ECE1: variants seen among roughly 807,000 people sequenced by gnomAD.
The protein encoded by ECE1 is endothelin converting enzyme 1.
In ECE1, 35 loss-of-function variants were observed where a neutral mutation model predicts 98.6. The ratio of observed to expected loss-of-function variants is 0.35; its 90% CI spans 0.27 to 0.47. The LOEUF is 0.47. ECE1 is among the 20% of genes least tolerant of loss of function. The pLI is 1.00. For missense variants in ECE1, 814 were observed against 1,025.3 expected (o/e 0.79, Z 2.81); for synonymous variants, 394 against 407.1 (o/e 0.97, Z 0.39).
intron 1 of ECE1, among the ~76,000 whole-genome samples, chr1:21,309,774 T>C (rs1457412349): frequency 8.8e-5 from 13 of 148,354 alleles, no homozygotes; most frequent in Non-Finnish European, 1.3e-4. Flanking sequence ...TTTTCTTTTT[T>C]TTTCTTTCTT....
chr1:21,232,831 C>T (rs1369170427), intron 14 of ECE1, among the ~76,000 whole-genome samples: 4 of 152,060 alleles, frequency 2.6e-5, no homozygotes, highest in African/African-American at 9.7e-5. Context: ...GTGTGCGCCA[C>T]CACACCCGGT....
intron 2 of ECE1, among the ~76,000 whole-genome samples, chr1:21,286,313 T>C (rs1558414481): frequency 6.6e-6 from 1 of 152,240 alleles, no homozygotes; most frequent in Non-Finnish European, 1.5e-5. Flanking sequence ...TAGATGTATA[T>C]TATTATATCA....
intron 1 of ECE1, among the ~76,000 whole-genome samples, chr1:21,312,178 C>T (rs762182368): frequency 3.0e-4 from 45 of 149,786 alleles, no homozygotes; most frequent in Non-Finnish European, 6.5e-4. Context: ...TGGCACATAC[C>T]TATCGTCCTA....
intron 10 of ECE1, among the ~76,000 whole-genome samples, chr1:21,238,832 T>C (rs1335810794): frequency 2.0e-5 from 3 of 152,112 alleles, no homozygotes; most frequent in Non-Finnish European, 2.9e-5. Context: ...TCTTTTTTTT[T>C]GGCAGGGTCT....
intron 2 of ECE1, chr1:21,279,724 C>A: frequency 7.7e-7 from 1 of 1,306,416 alleles, no homozygotes; most frequent in Non-Finnish European, 9.7e-7. Flanking sequence ...CCCACATCAG[C>A]GGGGTCAGGG....
chr1:21,328,388 G>A (rs1171212874), intron 1 of ECE1, among the ~76,000 whole-genome samples: 1 of 152,152 alleles, frequency 6.6e-6, no homozygotes, highest in African/African-American at 2.4e-5. Flanking sequence ...GCACATAGTG[G>A]GTCCTCAGTA....
chr1:21,327,525 T>C lies in ECE1; in HGVS notation c.3+17851A>G, dbSNP rs1295958194. Reference sequence around the variant, plus strand: ...GTCAAGTTGGATCATCTTAGCTCCCTGCTGACACCCCTTCGAGAACCGGGA... The same window carrying C: ...GTCAAGTTGGATCATCTTAGCTCCCCGCTGACACCCCTTCGAGAACCGGGA... On this transcript the variant is annotated intron_variant, in intron 1 of 18. Coordinates refer to the ECE1 transcript ENST00000415912. The surrounding 1 kb of genome is among the most constrained non-coding windows in gnomAD (Gnocchi z 4.6). 1.3e-5 allele frequency among the ~76,000 whole-genome samples: 2 copies of C among 152,202 alleles called. No homozygotes were observed. The highest frequency in any genetic ancestry group is 1.3e-4 in the Admixed American group (2 of 15,280).
chr1:21,281,942 G>C (rs1239542482), intron 2 of ECE1, among the ~76,000 whole-genome samples: 1 of 152,072 alleles, frequency 6.6e-6, no homozygotes, highest in Non-Finnish European at 1.5e-5. Context: ...TGATCCACCC[G>C]CCTCAGCCTC....
intron 2 of ECE1, among the ~76,000 whole-genome samples, chr1:21,281,168 C>A (rs556434422): frequency 2.1e-4 from 32 of 151,164 alleles, no homozygotes; most frequent in African/African-American, 6.4e-4. Context: ...CCAGCCTGGG[C>A]GACAGAGCAA....
At chr1:21,316,441 G>A (rs2103396269) in intron 1 of ECE1, among the ~76,000 whole-genome samples, 1 of 149,662 alleles carries the variant, frequency 6.7e-6, no homozygotes, top group African/African-American at 2.4e-5. Context: ...GCTAATTTTT[G>A]TATTTTTTTT....
In ECE1 at chr1:21,258,722, A is replaced by C. The variant is rs773284016; in HGVS notation, c.733T>G (p.Ser245Ala). ...ATCACGTTGCTGTTGGAGTTCTTGG[A>C]ATCGGCACTGACATAGACAGAGAAG... ...PFFSVYVSAD[S>A]KNSNSNVIQV... The change falls in exon 6 of 19, where the codon TCC (serine) becomes GCC (alanine). Residue 245 changes from serine (S) to alanine (A), a missense_variant. Physicochemically the swap from Ser to Ala is moderately conservative, Grantham distance 99. Around this residue, in one of 3 missense-constraint regions of ECE1, gnomAD observed 105 missense variants for 179.1 expected, o/e 0.59. Transcript: ENST00000374893. This position sits in a 1 kb window ranked among gnomAD's most constrained non-coding sequence, Gnocchi z 4.2. 11 of 1,614,022 alleles carry C rather than the reference A, an allele frequency of 6.8e-6. No homozygotes were observed. In the East Asian group the frequency reaches 2.2e-4, roughly 33 times the overall value.
chr1:21,334,259 C>T (rs1448065605), intron 1 of ECE1, among the ~76,000 whole-genome samples: 1 of 152,210 alleles, frequency 6.6e-6, no homozygotes, highest in African/African-American at 2.4e-5. Flanking sequence ...CCTCCAAGTC[C>T]CACCTCCTGT....
At chr1:21,306,876 A>AC (rs1180740709) in intron 1 of ECE1, among the ~76,000 whole-genome samples, 5 of 151,126 alleles carry the variant, frequency 3.3e-5, no homozygotes, top group East Asian at 2.0e-4. Context: ...TGTCTGACCA[A>AC]CCCCCCCAAT....
chr1:21,325,987 C>A (rs550127079), intron 1 of ECE1, among the ~76,000 whole-genome samples: 1 of 152,150 alleles, frequency 6.6e-6, no homozygotes, highest in South Asian at 2.1e-4. Flanking sequence ...GTGATTTCCA[C>A]AACGGAGCTC....
chr1:21,243,682 G>C (rs2098199524), intron 10 of ECE1, among the ~76,000 whole-genome samples: 1 of 152,248 alleles, frequency 6.6e-6, no homozygotes, highest in African/African-American at 2.4e-5. Context: ...CTCTCTGTAG[G>C]AAGTCCCCTG....
At chr1:21,263,361 A>ATT (rs34915173) in intron 4 of ECE1, among the ~76,000 whole-genome samples, 2,115 of 128,252 alleles carry the variant, frequency 0.016, 61 homozygotes, top group African/African-American at 0.051. Context: ...TTTTATATTT[A>ATT]TTTTTTTTTT....
At chr1:21,325,098 A>G (rs1639050383) in intron 1 of ECE1, among the ~76,000 whole-genome samples, 2 of 152,240 alleles carry the variant, frequency 1.3e-5, no homozygotes, top group Non-Finnish European at 2.9e-5. Context: ...GACTGGTTGC[A>G]AAACTGCAAA....
rs28367980 is a variant in ECE1 at position 21,259,087 on chromosome 1, G to A, written c.616-248C>T. ...AGGCATGAATCCAGCCGCTCCCTGGGTGGCTGGGATGAGAATGGGAAAGAG... is the reference window on the plus strand; with the variant it reads ...AGGCATGAATCCAGCCGCTCCCTGGATGGCTGGGATGAGAATGGGAAAGAG... On this transcript the variant is annotated intron_variant, in intron 5 of 18. Coordinates refer to ENST00000374893, the MANE Select transcript of ECE1 (RefSeq NM_001397.3). Among the ~76,000 whole-genome samples, 1,190 of 152,284 alleles carry A rather than the reference G, an allele frequency of 7.8e-3. 15 individuals are homozygous for A. The highest frequency in any genetic ancestry group is 0.024 in the Middle Eastern group (7 of 294).
At position 21,260,750 on chromosome 1, in the gene ECE1, G is replaced by A. The variant is rs2103295217; in HGVS notation, c.494-358C>T. ...CGTGTGGTACGAACACCCCTGCCTG[G>A]TGCATGGGACAGAGGCCGGTCTTGG... On this transcript the variant is annotated intron_variant, in intron 4 of 18. Transcript: ENST00000374893. This position sits in a 1 kb window ranked among gnomAD's most constrained non-coding sequence, Gnocchi z 4.3. 6.6e-6 allele frequency among the ~76,000 whole-genome samples: 1 copy of A among 152,310 alleles called. No homozygotes were observed. The highest frequency in any genetic ancestry group is 1.9e-4 in the East Asian group (1 of 5,186).
Sources: allele counts gnomAD v4.1 joint callset (sites outside exome capture counted in the v4.1 genomes callset), GRCh38; gene constraint gnomAD v4.1.1; regional missense constraint gnomAD v4.1.1; non-coding constraint Gnocchi (gnomAD v3.1); transcripts MANE v1.5; gene names NCBI Gene and HGNC (gene_info 2026-07-23, HGNC 2026-07-21).